Variants in FTO observed in about 807,000 individuals in gnomAD.
FTO encodes the protein FTO alpha-ketoglutarate dependent dioxygenase.
FTO carries 47 observed loss-of-function variants against 63.9 expected under a neutral mutation model. The observed-to-expected ratio is 0.74, with a 90% confidence interval of 0.58 to 0.94. The LOEUF is 0.94. Ranked by LOEUF, FTO falls within the 40% of genes least tolerant of loss-of-function variation. FTO has a pLI of 0.00. For synonymous variants in FTO, 207 were observed against 224.4 expected, an observed-to-expected ratio of 0.92 and a Z score of 0.69; for missense variants, 562 against 618.1, an observed-to-expected ratio of 0.91 and a Z score of 0.96.
chr16:54,080,157 C>T (rs2086106837), intron 8 of FTO, among the ~76,000 whole-genome samples: 1 of 152,050 alleles, frequency 6.6e-6, no homozygotes, highest in African/African-American at 2.4e-5. Context: ...GAGGCTGAAA[C>T]AGGAGGATTG....
At chr16:53,874,960 G>T (rs1004120402) in intron 5 of FTO, among the ~76,000 whole-genome samples, 2 of 152,098 alleles carry the variant, frequency 1.3e-5, no homozygotes, top group African/African-American at 4.8e-5. Flanking sequence ...ACTTTAGTTG[G>T]GGGGGACAAA....
intron 4 of FTO, among the ~76,000 whole-genome samples, chr16:53,855,296 T>C (rs938429529): frequency 2.6e-5 from 4 of 152,172 alleles, no homozygotes; most frequent in Non-Finnish European, 1.5e-5. Context: ...CTTTGCCTGG[T>C]TGCTCTGGCT....
chr16:53,996,840 G>T (rs1259915900), intron 8 of FTO, among the ~76,000 whole-genome samples: 1 of 152,040 alleles, frequency 6.6e-6, no homozygotes, highest in Non-Finnish European at 1.5e-5. Flanking sequence ...CGGGCACGGG[G>T]GCTCACACCT....
chr16:53,777,757 A>G (rs1308003293), intron 1 of FTO, among the ~76,000 whole-genome samples: 1 of 152,352 alleles, frequency 6.6e-6, no homozygotes, highest in East Asian at 1.9e-4. Flanking sequence ...ATTTTTCTTG[A>G]CAACCTGAAG....
At chr16:53,763,500 A>G (rs981967013) in intron 1 of FTO, among the ~76,000 whole-genome samples, 2 of 152,196 alleles carry the variant, frequency 1.3e-5, no homozygotes, top group African/African-American at 4.8e-5. Flanking sequence ...CAGATTGACC[A>G]TAGACATTGG....
intron 8 of FTO, among the ~76,000 whole-genome samples, chr16:53,954,039 G>A (rs545445741): frequency 6.6e-6 from 1 of 152,192 alleles, no homozygotes; most frequent in African/African-American, 2.4e-5. Context: ...GAAGGCTAGG[G>A]TCCTGCAGAA....
chr16:53,850,216 T>C (rs1039315297), intron 4 of FTO, among the ~76,000 whole-genome samples: 1 of 152,206 alleles, frequency 6.6e-6, no homozygotes, highest in Non-Finnish European at 1.5e-5. Context: ...GCACCTGTCA[T>C]GTTTATTTTC....
At chr16:53,856,610 T>C (rs7198409) in intron 4 of FTO, among the ~76,000 whole-genome samples, 7,810 of 151,584 alleles carry the variant, frequency 0.052, 470 homozygotes, top group African/African-American at 0.13. Flanking sequence ...ATTAGCTGAG[T>C]GTGGTGGCGT....
chr16:54,057,630 A>ATTT (rs1173193200), intron 8 of FTO, among the ~76,000 whole-genome samples: 1 of 146,058 alleles, frequency 6.8e-6, no homozygotes, highest in Non-Finnish European at 1.5e-5. Context: ...CGCCTGGCTA[A>ATTT]TTTTTTTTTT....
intron 7 of FTO, among the ~76,000 whole-genome samples, chr16:53,913,182 TTAGG>T (rs2081758924): frequency 6.6e-6 from 1 of 152,232 alleles, no homozygotes; most frequent in Non-Finnish European, 1.5e-5. Flanking sequence ...ATCATCTCCC[TTAGG>T]AGCTGACTCT....
chr16:54,109,862 G>A (rs1470265377), intron 8 of FTO, among the ~76,000 whole-genome samples: 1 of 152,104 alleles, frequency 6.6e-6, no homozygotes, highest in Non-Finnish European at 1.5e-5. Context: ...TAGGTGGATC[G>A]ACACTTATCA....
intron 1 of FTO, among the ~76,000 whole-genome samples, chr16:53,778,154 A>G (rs187902957): frequency 4.6e-5 from 7 of 152,330 alleles, no homozygotes; most frequent in Admixed American, 4.6e-4. Context: ...AATGGAATGC[A>G]TGGTAAAGAA....
At position 53,722,594 on chromosome 16, in the gene FTO, C is replaced by T. The variant is rs144909245; in HGVS notation, c.45+18365C>T. On this transcript the variant is annotated intron_variant, in intron 1 of 8. Transcript: ENST00000471389. ...CTGTAGTCCCAGCACTTTGGGAGGA[C>T]GAGGCAGGTGGATCACAAGATCATG... Among the ~76,000 whole-genome samples, 667 of 152,058 alleles carry T rather than the reference C, an allele frequency of 4.4e-3. 3 individuals carry two copies. The highest frequency in any genetic ancestry group is 0.015 in the African/African-American group (633 of 41,466).
chr16:53,748,243 T>G (rs904929612), intron 1 of FTO, among the ~76,000 whole-genome samples: 1 of 152,240 alleles, frequency 6.6e-6, no homozygotes, highest in East Asian at 1.9e-4. Flanking sequence ...AATGTGTAGA[T>G]TGCTTTGGGT....
At chr16:53,980,226 A>T (rs1185806762) in intron 8 of FTO, among the ~76,000 whole-genome samples, 1 of 152,196 alleles carries the variant, frequency 6.6e-6, no homozygotes, top group Non-Finnish European at 1.5e-5. Context: ...GATTTCTCTC[A>T]CACTCTTCTA....
At chr16:53,850,789 G>A (rs2079769596) in intron 4 of FTO, among the ~76,000 whole-genome samples, 1 of 151,934 alleles carries the variant, frequency 6.6e-6, no homozygotes. Context: ...TTGCTAATGG[G>A]TACAGGGCTG....
At chr16:53,841,355 G>GT (rs2079471676) in intron 3 of FTO, among the ~76,000 whole-genome samples, 1 of 117,716 alleles carries the variant, frequency 8.5e-6, no homozygotes, top group Non-Finnish European at 1.8e-5. Context: ...TTGTTATTCT[G>GT]TTAAAAAAAC....
At chr16:54,015,452 A>C (rs1367606947) in intron 8 of FTO, among the ~76,000 whole-genome samples, 1 of 152,210 alleles carries the variant, frequency 6.6e-6, no homozygotes, top group Non-Finnish European at 1.5e-5. Context: ...ATCAGTTTTC[A>C]AAAGTGAACT....
intron 6 of FTO, among the ~76,000 whole-genome samples, chr16:53,886,280 A>G (rs2080994391): frequency 6.6e-6 from 1 of 152,190 alleles, no homozygotes; most frequent in Admixed American, 6.5e-5. Context: ...CAGAGTCACC[A>G]TGGTTGGCGA....
Sources: allele counts gnomAD v4.1 joint callset (sites outside exome capture counted in the v4.1 genomes callset), GRCh38; gene constraint gnomAD v4.1.1; transcripts MANE v1.5; gene names NCBI Gene and HGNC (gene_info 2026-07-23, HGNC 2026-07-21).